Variants in OSBPL8 observed in about 807,000 individuals in gnomAD.
OSBPL8 encodes oxysterol-binding protein-related protein 8.
OSBPL8 carries 59 observed loss-of-function variants against 125.5 expected under a neutral mutation model. That is an observed-to-expected ratio of 0.47 (90% confidence interval 0.38 to 0.58). The LOEUF is 0.58. Among genes scored for constraint, OSBPL8 ranks in the 20% least tolerant of loss-of-function variants. The pLI is 0.00. For synonymous variants in OSBPL8, 330 were observed against 338.9 expected, an observed-to-expected ratio of 0.97 and a Z score of 0.29; for missense variants, 758 against 1,047.8, an observed-to-expected ratio of 0.72 and a Z score of 3.82.
intron 7 of OSBPL8, among the ~76,000 whole-genome samples, chr12:76,398,249 T>G (rs1038657126): frequency 1.3e-5 from 2 of 152,170 alleles, no homozygotes; most frequent in African/African-American, 4.8e-5. Context: ...CTTATTTGTG[T>G]GCATATGATG....
chr12:76,496,169 A>AC (rs1555230908), intron 1 of OSBPL8, among the ~76,000 whole-genome samples: 1 of 148,538 alleles, frequency 6.7e-6, no homozygotes, highest in African/African-American at 2.5e-5. Flanking sequence ...TGTCTGTAGT[A>AC]TTTTTTTTTT....
intron 4 of OSBPL8, among the ~76,000 whole-genome samples, chr12:76,413,946 T>C (rs1010061261): frequency 2.0e-5 from 3 of 152,216 alleles, no homozygotes; most frequent in African/African-American, 7.2e-5. Context: ...GTAGTCAAAT[T>C]TAGCAATCTC....
intron 9 of OSBPL8, among the ~76,000 whole-genome samples, chr12:76,393,604 G>A (rs912483681): frequency 2.6e-5 from 4 of 151,036 alleles, no homozygotes; most frequent in African/African-American, 9.8e-5. Context: ...CCAGCCACTC[G>A]GGAGACTGAG....
At chr12:76,486,086 G>T in intron 2 of OSBPL8, 1 of 405,470 alleles carries the variant, frequency 2.5e-6, no homozygotes, top group Non-Finnish European at 4.9e-6. Context: ...CATAAGCCAA[G>T]AATTTCCACA....
At chr12:76,540,351 G>A (rs74105512) in intron 1 of OSBPL8, among the ~76,000 whole-genome samples, 2,807 of 152,164 alleles carry the variant, frequency 0.018, 65 homozygotes, top group African/African-American at 0.06. Flanking sequence ...AAGGTTGTAA[G>A]AATAAAATAC....
At position 76,369,195 on chromosome 12, in the gene OSBPL8, C is replaced by T. The variant is rs1952525966; in HGVS notation, c.2328+19G>A. On this transcript the variant is annotated intron_variant, in intron 21 of 23. Coordinates refer to ENST00000261183, the MANE Select transcript of OSBPL8 (RefSeq NM_020841.5). ...TAACAGATTTATATACCTAGTGTAC[C>T]TAGTTTTTTATTACATACCATTGGA... 2 of 1,598,458 alleles carry T rather than the reference C, an allele frequency of 1.3e-6. No homozygotes were observed. Among genetic ancestry groups the T allele is most frequent in the African/African-American group, 2.7e-5 (2 of 73,772 alleles).
In OSBPL8 at chr12:76,355,975, T is replaced by C; in HGVS notation, c.2584A>G (p.Thr862Ala). The C allele has an allele frequency of 6.2e-7, 1 of 1,613,426 alleles. No homozygotes were observed. The highest frequency in any genetic ancestry group is 1.1e-5 in the South Asian group (1 of 91,026). ...TCTTTTTGTTGCAGAAAATAATCCG[T>C]GGCCGGTGTGCTTGAAACTAAATGA... ...RNHLVSSTPA[T>A]DYFLQQKDYF... The change falls in exon 24 of 24, where the codon ACG becomes GCG. Residue 862 changes from threonine to alanine, a missense_variant. Physicochemically the swap from Thr to Ala is moderately conservative, Grantham distance 58. Transcript: ENST00000261183.
chr12:76,408,858 A>G (rs1954388144), intron 5 of OSBPL8, among the ~76,000 whole-genome samples: 1 of 152,074 alleles, frequency 6.6e-6, no homozygotes, highest in African/African-American at 2.4e-5. Context: ...CCTCCCCCTT[A>G]AAGGGTACAC....
intron 9 of OSBPL8, among the ~76,000 whole-genome samples, chr12:76,393,583 C>T (rs1210187741): frequency 6.6e-6 from 1 of 150,824 alleles, no homozygotes; most frequent in Non-Finnish European, 1.5e-5. Flanking sequence ...TGGTGGCAGG[C>T]GCCTGTAGTC....
rs541808436 is a variant in OSBPL8, at chr12:76,404,505, T to C, written c.289-1739A>G. 2.0e-5 allele frequency among the ~76,000 whole-genome samples: 3 copies of C among 152,128 alleles called. No individual in the cohort carries two copies. In the East Asian group the frequency reaches 5.8e-4, roughly 29 times the overall value. On this transcript the variant is annotated intron_variant, in intron 5 of 23. Transcript: ENST00000261183. Reference sequence around the variant, plus strand: ...TTTTTTCTACGGAAGTTACACTGAGTGTACCTGCCTTTCTTGCTTCCCCTA... The same window carrying C: ...TTTTTTCTACGGAAGTTACACTGAGCGTACCTGCCTTTCTTGCTTCCCCTA...
At chr12:76,501,512 AGGTGAT>A (rs1177858292) in intron 1 of OSBPL8, among the ~76,000 whole-genome samples, 1 of 152,244 alleles carries the variant, frequency 6.6e-6, no homozygotes, top group East Asian at 1.9e-4. Context: ...GCTCACCAAC[AGGTGAT>A]CTTAGCAGAG....
intron 1 of OSBPL8, among the ~76,000 whole-genome samples, chr12:76,497,337 C>T (rs1320658444): frequency 6.6e-6 from 1 of 152,088 alleles, no homozygotes; most frequent in African/African-American, 2.4e-5. Context: ...CAAAATGAGT[C>T]TGATAAACTG....
At chr12:76,508,750 A>G (rs1213066496) in intron 1 of OSBPL8, among the ~76,000 whole-genome samples, 1 of 152,218 alleles carries the variant, frequency 6.6e-6, no homozygotes, top group East Asian at 1.9e-4. Flanking sequence ...TACTCTCACC[A>G]GCGCCTGACA....
chr12:76,464,829 A>G (rs549724775), intron 2 of OSBPL8, among the ~76,000 whole-genome samples: 1 of 152,322 alleles, frequency 6.6e-6, no homozygotes, highest in East Asian at 1.9e-4. Flanking sequence ...TTCACCCAAT[A>G]AAGTTGATCA....
At chr12:76,470,059 T>C (rs1003149787) in intron 2 of OSBPL8, among the ~76,000 whole-genome samples, 7 of 152,214 alleles carry the variant, frequency 4.6e-5, no homozygotes, top group Non-Finnish European at 1.5e-5. Flanking sequence ...TCACTATCAG[T>C]TTTTGGTAAT....
intron 15 of OSBPL8, among the ~76,000 whole-genome samples, chr12:76,380,322 T>C (rs921395963): frequency 2.6e-5 from 4 of 152,200 alleles, no homozygotes; most frequent in African/African-American, 7.2e-5. Context: ...TGTTTTAGTC[T>C]TCAGTATACA....
chr12:76,391,366 C>T (rs1281850583), intron 10 of OSBPL8, among the ~76,000 whole-genome samples: 1 of 152,122 alleles, frequency 6.6e-6, no homozygotes, highest in African/African-American at 2.4e-5. Context: ...GGGGGAAAGT[C>T]TTGGAAAGAG....
At chr12:76,472,166 T>C (rs2136923029) in intron 2 of OSBPL8, among the ~76,000 whole-genome samples, 1 of 152,340 alleles carries the variant, frequency 6.6e-6, no homozygotes, top group Middle Eastern at 3.4e-3. Flanking sequence ...GGAAAAGCTA[T>C]ATAATTTCTC....
chr12:76,471,772 A>G (rs1022028716), intron 2 of OSBPL8, among the ~76,000 whole-genome samples: 1 of 152,192 alleles, frequency 6.6e-6, no homozygotes, highest in Non-Finnish European at 1.5e-5. Context: ...ACACTTCACA[A>G]ATGTGACAAA....
Sources: gnomAD v4.1 joint callset for allele counts (sites outside exome capture counted in the v4.1 genomes callset) on GRCh38, gnomAD v4.1.1 for gene constraint, MANE v1.5 for transcripts, NCBI Gene and HGNC (gene_info 2026-07-23, HGNC 2026-07-21) for gene names.